Variants in UBE4A observed in about 807,000 individuals in gnomAD.
UBE4A encodes ubiquitin conjugation factor E4 A.
Under a neutral mutation model 117.9 loss-of-function variants are expected in UBE4A, and 48 were observed. That is an observed-to-expected ratio of 0.41 (90% CI 0.32 to 0.52). The LOEUF (loss-of-function observed/expected upper bound fraction) is 0.52, where lower values mean the gene tolerates loss of function less well. Ranked by LOEUF, UBE4A falls within the 20% of genes least tolerant of loss-of-function variation. UBE4A has a pLI of 0.33. For synonymous variants in UBE4A, 407 were observed against 450.0 expected, an observed-to-expected ratio of 0.90 and a Z score of 1.21; for missense variants, 1,067 against 1,296.3, an observed-to-expected ratio of 0.82 and a Z score of 2.72.
intron 15 of UBE4A, among the ~76,000 whole-genome samples, chr11:118,385,922 G>A (rs116646684): frequency 0.01 from 1,584 of 152,306 alleles, 30 homozygotes; most frequent in African/African-American, 0.036. Context: ...ATTTTCATGA[G>A]ACTGTAAGTT....
intron 2 of UBE4A, among the ~76,000 whole-genome samples, chr11:118,366,755 A>G (rs999805979): frequency 5.9e-5 from 9 of 152,270 alleles, no homozygotes; most frequent in African/African-American, 1.9e-4. Context: ...GAATAACACT[A>G]CTTTTATGTA....
intron 10 of UBE4A, among the ~76,000 whole-genome samples, chr11:118,379,145 T>C (rs1948677827): frequency 6.6e-6 from 1 of 152,202 alleles, no homozygotes; most frequent in African/African-American, 2.4e-5. Context: ...ATAATTATTT[T>C]ATGTAATAAC....
chr11:118,372,563 T>C lies in UBE4A; in HGVS notation c.618T>C (p.Thr206=), dbSNP rs1282198335. The C allele has an allele frequency of 2.5e-6, 4 of 1,613,964 alleles. No homozygotes were observed. Among genetic ancestry groups the C allele is most frequent in the Non-Finnish European group, 3.4e-6 (4 of 1,180,012 alleles). Residue 206 remains threonine, a synonymous_variant, in exon 6 of 20, where the codon ACT becomes ACC. Coordinates refer to ENST00000252108, the MANE Select transcript of UBE4A (RefSeq NM_001204077.2). ...TTGCAGTGCAGTGCAGAAACCTCACTGTGTCCAATACCCGAACAGTTCTTC... is the reference window on the plus strand; with the variant it reads ...TTGCAGTGCAGTGCAGAAACCTCACCGTGTCCAATACCCGAACAGTTCTTC... ...LPFAVQCRNL[T]VSNTRTVLLT...
chr11:118,373,449 A>C lies in UBE4A; in HGVS notation c.925-45A>C, dbSNP rs375387915. The C allele has an allele frequency of 1.4e-5, 22 of 1,580,976 alleles. No homozygotes were observed. The African/African-American group carries it at 2.7e-4, about 20-fold the overall frequency. On this transcript the variant is annotated intron_variant, in intron 7 of 19. Transcript: ENST00000252108. ...TGAGGCCCTCCCACCCCATCACCTT[A>C]TCTCACCATGAAGATGAATAAGCAG...
intron 16 of UBE4A, among the ~76,000 whole-genome samples, chr11:118,388,244 A>G (rs939522586): frequency 2.0e-5 from 3 of 152,234 alleles, no homozygotes; most frequent in Non-Finnish European, 2.9e-5. Flanking sequence ...ATCAGTACCA[A>G]CCAAACATAG....
chr11:118,392,997 C>A, intron 19 of UBE4A, 102 bp downstream of exon 19: 1 of 1,146,470 alleles, frequency 8.7e-7, no homozygotes, highest in South Asian at 1.7e-5. Context: ...CAACACATAC[C>A]ACATATTATT....
At chr11:118,367,076 C>T (rs558623274) in intron 2 of UBE4A, among the ~76,000 whole-genome samples, 3 of 152,030 alleles carry the variant, frequency 2.0e-5, no homozygotes, top group East Asian at 1.9e-4. Flanking sequence ...TGGTGGTGGG[C>T]GCCTGTAGTC....
intron 17 of UBE4A, 28 bp from the exon 18 acceptor site, chr11:118,390,629 C>A: frequency 6.8e-7 from 1 of 1,475,488 alleles, no homozygotes; most frequent in South Asian, 1.4e-5. Flanking sequence ...CTCTGGTGAT[C>A]AGTTTTTTTC....
At chr11:118,378,924 C>G (rs1555125824) in intron 10 of UBE4A, 1 of 153,680 alleles carries the variant, frequency 6.5e-6, no homozygotes. Flanking sequence ...CAACAGAGAG[C>G]TGGAAGCTGC....
Position 118,382,682 on chromosome 11 carries a change from T to C in UBE4A, c.2103T>C (p.Ser701=). The C allele has an allele frequency of 6.2e-7, 1 of 1,606,170 alleles. No individual in the cohort carries two copies. Among genetic ancestry groups the C allele is most frequent in the Non-Finnish European group, 8.5e-7 (1 of 1,175,812 alleles). Residue 701 remains serine (S), a synonymous_variant, in exon 13 of 20, where the codon AGT becomes AGC. Transcript: ENST00000252108. ...AGACCCCAAATCCCTTGGTATCCAG[T>C]GTGTTCCACCGGAAACGTGTGTTCT... is the stretch of plus-strand genomic sequence containing the variant. The part of the protein sequence containing the change: ...LDQTPNPLVS[S]VFHRKRVFCN...
intron 3 of UBE4A, 109 bp from the exon 4 acceptor site, chr11:118,369,314 G>A: frequency 1.4e-6 from 1 of 722,980 alleles, no homozygotes; most frequent in East Asian, 2.7e-5. Flanking sequence ...GGATCATTCT[G>A]GTATTACTTG....
intron 13 of UBE4A, among the ~76,000 whole-genome samples, chr11:118,383,116 A>G (rs1442049709): frequency 6.6e-6 from 1 of 152,194 alleles, no homozygotes; most frequent in Non-Finnish European, 1.5e-5. Flanking sequence ...AAAGAAATCT[A>G]CATATTCAAC....
chr11:118,367,500 C>T (rs1948573950), intron 2 of UBE4A, among the ~76,000 whole-genome samples: 1 of 149,522 alleles, frequency 6.7e-6, no homozygotes, highest in Non-Finnish European at 1.5e-5. Context: ...TTGAGGGTAA[C>T]TTGGTAGTAA....
intron 1 of UBE4A, among the ~76,000 whole-genome samples, chr11:118,364,299 A>G (rs531368128): frequency 1.3e-5 from 2 of 152,088 alleles, no homozygotes; most frequent in Non-Finnish European, 2.9e-5. Context: ...TTCATATTAC[A>G]CAGTAGACCT....
rs782388926 is a variant in UBE4A, at chr11:118,384,907, A to G, written c.2374A>G (p.Met792Val). 1 of 1,612,986 alleles carries G rather than the reference A, an allele frequency of 6.2e-7. No individual in the cohort carries two copies. Among genetic ancestry groups the G allele is most frequent in the Non-Finnish European group, 8.5e-7 (1 of 1,179,536 alleles). Residue 792 changes from methionine (M) to valine (V), a missense_variant, in exon 15 of 20, where the codon ATG (methionine) becomes GTG (valine). Physicochemically the swap from Met to Val is conservative, Grantham distance 21. Transcript: ENST00000252108. ...PLFLRFLNLL[M>V]NDAIFLLDEA... ...TTTCCTCCGCTTTCTTAACCTGCTA[A>G]TGAATGATGCCATCTTCCTTTTGGA... is the stretch of plus-strand genomic sequence containing the variant.
chr11:118,376,573 G>A lies in UBE4A; in HGVS notation c.1451-1G>A. On this transcript the variant is annotated splice_acceptor_variant, in intron 9 of 19. Coordinates refer to ENST00000252108, the MANE Select transcript of UBE4A (RefSeq NM_001204077.2). LOFTEE classifies it high-confidence loss of function. ...TCTTTTTTTTTTTTAACTTCTTTGA[G>A]GTTTGGACAAAGAAACCTGTTTGAT... 6.2e-7 allele frequency: 1 copy of A among 1,611,864 alleles called. No homozygotes were observed. Among genetic ancestry groups the A allele is most frequent in the Non-Finnish European group, 8.5e-7 (1 of 1,179,166 alleles).
rs139228159 is a variant in UBE4A, at chr11:118,375,347, G to A, written c.1450+118G>A. On this transcript the variant is annotated intron_variant, in intron 9 of 19. Transcript: ENST00000252108. ...TCTCAAAAAAAGATGAGGCAGAAAC[G>A]AGCTATTTCGATTTTTTTTTCTTTT... 1.2e-4 allele frequency: 127 copies of A among 1,054,638 alleles called. No homozygotes were observed. In the African/African-American group the frequency reaches 1.8e-3, roughly 15 times the overall value. 65.3% of individuals were successfully genotyped at this position (1,054,638 alleles called of 1,614,324 possible). A position where few individuals can be genotyped will look rare whatever the true frequency, so the allele number is the denominator to read the frequency against.
chr11:118,361,006 G>A (rs1439408273), intron 1 of UBE4A, among the ~76,000 whole-genome samples: 15 of 126,672 alleles, frequency 1.2e-4, no homozygotes, highest in African/African-American at 3.6e-4. Context: ...GTGTGTGTGT[G>A]TATTTTTTTT....
In UBE4A at chr11:118,388,518, A is replaced by G. The variant is rs190379929; in HGVS notation, c.2588-1207A>G. On this transcript the variant is annotated intron_variant, in intron 16 of 19. Transcript: ENST00000252108. ...ACAGAAATTAGCCAGGTGTGGTGGC[A>G]TGTGCCTGTAGTCCCAGCTGCTTGA... Among the ~76,000 whole-genome samples, 12 of 152,116 alleles carry G rather than the reference A, an allele frequency of 7.9e-5. No homozygotes were observed. The East Asian group carries it at 2.1e-3, about 27-fold the overall frequency.
Sources: gnomAD v4.1 joint callset for allele counts (sites outside exome capture counted in the v4.1 genomes callset) on GRCh38, gnomAD v4.1.1 for gene constraint, MANE v1.5 for transcripts, NCBI Gene and HGNC (gene_info 2026-07-23, HGNC 2026-07-21) for gene names.